Variants in ASIC5 observed in about 807,000 individuals in gnomAD.
ASIC5 encodes acid sensing ion channel subunit family member 5.
ASIC5 carries 52 observed loss-of-function variants against 51.2 expected under a neutral mutation model. The ratio of observed to expected loss-of-function variants is 1.02; its 90% CI spans 0.81 to 1.28. ASIC5 has a LOEUF of 1.28. Ranked by LOEUF, ASIC5 falls within the 50% of genes most tolerant of loss-of-function variation. The pLI, the probability that ASIC5 is intolerant of heterozygous loss-of-function variation, is 0.00. For missense variants in ASIC5, 635 were observed against 595.0 expected, an observed-to-expected ratio of 1.07 and a Z score of -0.70; for synonymous variants, 231 against 200.7, an observed-to-expected ratio of 1.15 and a Z score of -1.28.
At chr4:155,831,095 T>C (rs1740861202) in intron 9 of ASIC5, among the ~76,000 whole-genome samples, 1 of 152,208 alleles carries the variant, frequency 6.6e-6, no homozygotes, top group Non-Finnish European at 1.5e-5. Context: ...TATTAGGGAC[T>C]GTGGAGAAGG....
chr4:155,840,803 TG>T (rs970190253), intron 6 of ASIC5, among the ~76,000 whole-genome samples: 1 of 152,030 alleles, frequency 6.6e-6, no homozygotes, highest in Admixed American at 6.6e-5. Context: ...CGCCCCAAAT[TG>T]CTTATAGTGA....
At chr4:155,848,096 G>A (rs1741298088) in intron 4 of ASIC5, among the ~76,000 whole-genome samples, 2 of 151,894 alleles carry the variant, frequency 1.3e-5, no homozygotes, top group South Asian at 2.1e-4. Context: ...GCTTCATGCT[G>A]TTTTTATTAG....
intron 4 of ASIC5, among the ~76,000 whole-genome samples, chr4:155,850,284 T>A (rs1351577129): frequency 6.6e-6 from 1 of 151,998 alleles, no homozygotes; most frequent in Non-Finnish European, 1.5e-5. Context: ...TGCAACCATT[T>A]GTCTCTCACC....
intron 2 of ASIC5, among the ~76,000 whole-genome samples, chr4:155,857,287 C>T (rs951327153): frequency 3.5e-4 from 53 of 152,122 alleles, no homozygotes; most frequent in African/African-American, 1.1e-3. Flanking sequence ...CCATGCCCAG[C>T]TAATTTTTGT....
intron 4 of ASIC5, among the ~76,000 whole-genome samples, chr4:155,849,923 T>C (rs1050470446): frequency 6.6e-6 from 1 of 151,970 alleles, no homozygotes; most frequent in African/African-American, 2.4e-5. Context: ...GTATTGTTCT[T>C]TTTTTTGCTG....
chr4:155,846,281 C>T (rs1228676261), intron 4 of ASIC5, among the ~76,000 whole-genome samples: 1 of 152,002 alleles, frequency 6.6e-6, no homozygotes, highest in African/African-American at 2.4e-5. Context: ...CTTATCCCTG[C>T]CAAACACTAT....
At chr4:155,864,209 T>C (rs1741799024) in intron 1 of ASIC5, among the ~76,000 whole-genome samples, 1 of 152,210 alleles carries the variant, frequency 6.6e-6, no homozygotes, top group Non-Finnish European at 1.5e-5. Flanking sequence ...GTTTGTCCTA[T>C]GGTGGTATAA....
chr4:155,839,178 C>A (rs1423942917), intron 6 of ASIC5, among the ~76,000 whole-genome samples: 1 of 152,084 alleles, frequency 6.6e-6, no homozygotes, highest in East Asian at 1.9e-4. Context: ...TTTAAAATTA[C>A]TTTCACAGTT....
Position 155,829,868 on chromosome 4 carries a change from T to C in ASIC5, c.1506A>G (p.Ile502Met), listed in dbSNP as rs1342293133. The C allele has an allele frequency of 1.3e-6, 2 of 1,589,440 alleles. No homozygotes were observed. The highest frequency in any genetic ancestry group is 1.2e-5 in the South Asian group (1 of 86,266). ...TTCTAAGTGACCATTAACACTCCTC[T>C]ATCCTATTTTTATTTCCCAGATGAT... ...PQNHLGNKNR[I>M]EEC The change falls in exon 10 of 10, where the codon ATA becomes ATG. Residue 502 changes from isoleucine to methionine, a missense_variant. Coordinates refer to ENST00000537611, the MANE Select transcript of ASIC5 (RefSeq NM_017419.3).
intron 4 of ASIC5, among the ~76,000 whole-genome samples, chr4:155,848,751 G>A (rs1391792335): frequency 6.6e-6 from 1 of 152,042 alleles, no homozygotes; most frequent in African/African-American, 2.4e-5. Flanking sequence ...TCAGAAAAGA[G>A]GAAAAACTTT....
intron 2 of ASIC5, chr4:155,858,964 A>T (rs549728599): frequency 2.6e-5 from 4 of 152,054 alleles, no homozygotes; most frequent in Non-Finnish European, 5.9e-5. Flanking sequence ...CTGTTGATTT[A>T]TATTCTCAGG....
intron 4 of ASIC5, among the ~76,000 whole-genome samples, chr4:155,850,725 G>T (rs1741362244): frequency 6.6e-6 from 1 of 151,774 alleles, no homozygotes; most frequent in African/African-American, 2.4e-5. Flanking sequence ...AAAATCATTT[G>T]GCCCTCTTCA....
At chr4:155,859,278 CTTA>C (rs1473972447) in intron 2 of ASIC5, among the ~76,000 whole-genome samples, 1 of 151,826 alleles carries the variant, frequency 6.6e-6, no homozygotes, top group Non-Finnish European at 1.5e-5. Flanking sequence ...ATTACTTTTT[CTTA>C]TTTTTGTATT....
chr4:155,846,059 A>G (rs1479025781), intron 4 of ASIC5, among the ~76,000 whole-genome samples: 1 of 152,088 alleles, frequency 6.6e-6, no homozygotes, highest in Admixed American at 6.6e-5. Context: ...GCTCTAATTA[A>G]TTGGCTTAAA....
At position 155,836,743 on chromosome 4, in the gene ASIC5, T is replaced by C. The variant is rs1313819468; in HGVS notation, c.1181A>G (p.Gln394Arg). 3.7e-6 allele frequency: 6 copies of C among 1,611,746 alleles called. No homozygotes were observed. Among genetic ancestry groups the C allele is most frequent in the Non-Finnish European group, 2.5e-6 (3 of 1,178,226 alleles). Residue 394 changes from glutamine to arginine, a missense_variant, in exon 8 of 10, where the codon CAA (glutamine) becomes CGA (arginine). Transcript: ENST00000537611. ...CTTGGAAAGATATTTCAAAGCTTTTTGACTTGGAAAAGAGGAATAAGAAAT... is the reference window on the plus strand; with the variant it reads ...CTTGGAAAGATATTTCAAAGCTTTTCGACTTGGAAAAGAGGAATAAGAAAT... ...ATISYSSFPS[Q>R]KALKYLSKKL...
At chr4:155,856,620 C>CATTTCTTGGTCAAAAGT (rs1222719192) in intron 2 of ASIC5, among the ~76,000 whole-genome samples, 1 of 152,034 alleles carries the variant, frequency 6.6e-6, no homozygotes, top group African/African-American at 2.4e-5. Flanking sequence ...AATAACCTTG[C>CATTTCTTGGTCAAAAGT]ATTTCTTGGT....
intron 4 of ASIC5, among the ~76,000 whole-genome samples, chr4:155,847,237 A>G (rs904761033): frequency 1.3e-5 from 2 of 152,016 alleles, no homozygotes; most frequent in African/African-American, 4.8e-5. Flanking sequence ...CTGAGATAAA[A>G]ATTTTTGTTT....
intron 2 of ASIC5, among the ~76,000 whole-genome samples, chr4:155,856,155 C>T (rs573250803): frequency 1.3e-5 from 2 of 152,068 alleles, no homozygotes; most frequent in East Asian, 3.9e-4. Flanking sequence ...ATAAATAAGC[C>T]TCTGTATCCG....
At chr4:155,838,463 T>C (rs911188830) in intron 7 of ASIC5, among the ~76,000 whole-genome samples, 21 of 152,320 alleles carry the variant, frequency 1.4e-4, no homozygotes, top group Admixed American at 1.1e-3. Context: ...GAGTTCTCAG[T>C]AATAAAACTT....
Sources: allele counts gnomAD v4.1 joint callset (sites outside exome capture counted in the v4.1 genomes callset), GRCh38; gene constraint gnomAD v4.1.1; transcripts MANE v1.5; gene names NCBI Gene and HGNC (gene_info 2026-07-23, HGNC 2026-07-21).